BIRC6: variants seen among roughly 807,000 people sequenced by gnomAD.
BIRC6 encodes the protein dual E2 ubiquitin-conjugating enzyme/E3 ubiquitin-protein ligase BIRC6.
In BIRC6, 98 loss-of-function variants were observed where a neutral mutation model predicts 503.3. That is an observed-to-expected ratio of 0.19 (90% CI 0.17 to 0.23). BIRC6 has a LOEUF of 0.23. Ranked by LOEUF, BIRC6 falls within the 10% of genes least tolerant of loss-of-function variation. The probability of loss-of-function intolerance (pLI) is 1.00; values close to 1 mark genes in which losing one functional copy is unlikely to be tolerated. For missense variants in BIRC6, 5,360 were observed against 5,806.0 expected (o/e 0.92, Z 2.50); for synonymous variants, 2,240 against 2,078.7 (o/e 1.08, Z -2.11).
chr2:32,464,389 C>T, intron 24 of BIRC6, 120 bp from the exon 25 acceptor site: 2 of 1,223,356 alleles, frequency 1.6e-6, no homozygotes, highest in Non-Finnish European at 2.2e-6. Context: ...GATTTAATTT[C>T]ATCTTTAAGT....
chr2:32,585,015 G>T (rs932107359), intron 66 of BIRC6, among the ~76,000 whole-genome samples: 3 of 152,074 alleles, frequency 2.0e-5, no homozygotes, highest in Admixed American at 6.6e-5. Context: ...TTAGATTCTG[G>T]CTTACTTCTT....
intron 10 of BIRC6, among the ~76,000 whole-genome samples, chr2:32,419,469 A>G (rs1054230760): frequency 1.8e-4 from 27 of 152,298 alleles, no homozygotes; most frequent in African/African-American, 6.5e-4. Context: ...ATAAAAAAGT[A>G]TGAATTTCAA....
At chr2:32,475,920 T>C (rs2049709445) in intron 33 of BIRC6, among the ~76,000 whole-genome samples, 1 of 152,032 alleles carries the variant, frequency 6.6e-6, no homozygotes, top group Admixed American at 6.5e-5. Context: ...TAAATTTTTT[T>C]CTCTCTATTA....
intron 1 of BIRC6, among the ~76,000 whole-genome samples, chr2:32,369,945 AATATATATATATATATAT>A (rs67839399): frequency 6.8e-5 from 3 of 44,224 alleles, no homozygotes; most frequent in Non-Finnish European, 1.1e-4. Flanking sequence ...AAAAAAAAAA[AATATATATATATATATAT>A]ATATATATAT....
intron 13 of BIRC6, among the ~76,000 whole-genome samples, chr2:32,435,071 G>T (rs1250633867): frequency 6.6e-6 from 1 of 152,170 alleles, no homozygotes; most frequent in Non-Finnish European, 1.5e-5. Context: ...ATGACTATAT[G>T]TGTGTCTGTA....
At chr2:32,592,545 A>T (rs754298137) in intron 66 of BIRC6, among the ~76,000 whole-genome samples, 6 of 152,022 alleles carry the variant, frequency 3.9e-5, no homozygotes, top group Non-Finnish European at 5.9e-5. Context: ...TTTTGTGACA[A>T]GGAAAGGTTC....
chr2:32,377,817 A>T, intron 2 of BIRC6, 48 bp downstream of exon 2: 1 of 1,446,162 alleles, frequency 6.9e-7, no homozygotes, highest in Non-Finnish European at 9.3e-7. Flanking sequence ...ATGTAATCTT[A>T]GACATATTAG....
At chr2:32,508,352 T>C in intron 51 of BIRC6, 93 bp downstream of exon 51, 2 of 1,393,624 alleles carry the variant, frequency 1.4e-6, no homozygotes, top group East Asian at 5.0e-5. Flanking sequence ...GTTTTTTCTT[T>C]TTTAGGTCTT....
At chr2:32,617,026 G>T (rs918199832) in intron 73 of BIRC6, among the ~76,000 whole-genome samples, 1 of 152,162 alleles carries the variant, frequency 6.6e-6, no homozygotes, top group Non-Finnish European at 1.5e-5. Context: ...AGCCCAGGAG[G>T]TTGAGGCTGC....
At position 32,416,231 on chromosome 2, in the gene BIRC6, A is replaced by G. The variant is rs1197356464; in HGVS notation, c.2872+68A>G. 16 of 1,416,700 alleles carry G rather than the reference A, an allele frequency of 1.1e-5. No homozygotes were observed. In the South Asian group the frequency reaches 2.3e-4, roughly 21 times the overall value. 87.8% of individuals were successfully genotyped at this position (1,416,700 alleles called of 1,614,324 possible). On this transcript the variant is annotated intron_variant, in intron 10 of 73. Coordinates refer to ENST00000421745, the MANE Select transcript of BIRC6 (RefSeq NM_016252.4). ...ATATATGGCATTTGTTTATGTGCAA[A>G]CCTAGTATGAATTTTAGGTTCAAAT... is the stretch of plus-strand genomic sequence containing the variant.
intron 39 of BIRC6, 150 bp downstream of exon 39, chr2:32,482,732 C>T: frequency 1.3e-6 from 1 of 782,088 alleles, no homozygotes; most frequent in South Asian, 2.0e-5. Context: ...AGAGCTGTTT[C>T]TTTGTAGTCA....
chr2:32,532,379 A>G (rs528778113), intron 61 of BIRC6: 64 of 409,504 alleles, frequency 1.6e-4, no homozygotes, highest in Middle Eastern at 8.6e-4. Context: ...CCTGGCTTCT[A>G]TTGGTTGCCA....
chr2:32,501,017 AAAAATAAAATGT>A (rs2053127265), intron 46 of BIRC6, among the ~76,000 whole-genome samples: 1 of 152,134 alleles, frequency 6.6e-6, no homozygotes, highest in Non-Finnish European at 1.5e-5. Context: ...CATTTGCTTT[AAAAATAAAATGT>A]AAAATTTTAC....
chr2:32,454,533 A>T (rs1365210173), intron 23 of BIRC6, among the ~76,000 whole-genome samples: 1 of 150,892 alleles, frequency 6.6e-6, no homozygotes, highest in African/African-American at 2.4e-5. Context: ...AGTTACTTCT[A>T]TTGCAGCATA....
rs1251134880 is a variant in BIRC6 at position 32,484,550 on chromosome 2, CAAAA to C, written c.7697-1080_7697-1077del. ...TGGACGATAGAGCAAAACTCCAACT[CAAAA>C]AAAAAAAAAAAAGAAAGAAAGAAAG... On this transcript the variant is annotated intron_variant, in intron 39 of 73. Transcript: ENST00000421745. 8.0e-3 allele frequency among the ~76,000 whole-genome samples: 557 copies of C among 69,634 alleles called. 1 individual carries two copies. Among genetic ancestry groups the C allele is most frequent in the African/African-American group, 0.023 (511 of 22,176 alleles). 45.7% of individuals were successfully genotyped at this position (69,634 alleles called of 152,430 possible). A position where few individuals can be genotyped will look rare whatever the true frequency, so the allele number is the denominator to read the frequency against.
chr2:32,520,010 G>C (rs1558958399), intron 57 of BIRC6, among the ~76,000 whole-genome samples: 1 of 152,136 alleles, frequency 6.6e-6, no homozygotes. Context: ...AAATAAACTA[G>C]AAATGTCTGT....
intron 72 of BIRC6, among the ~76,000 whole-genome samples, 155 bp downstream of exon 72, chr2:32,607,798 C>T (rs866778288): frequency 4.0e-5 from 6 of 151,256 alleles, no homozygotes; most frequent in African/African-American, 9.7e-5. Flanking sequence ...GCCAATATGG[C>T]GAAACCGCAT....
chr2:32,558,566 G>T (rs1431724175), intron 65 of BIRC6: 1 of 152,066 alleles, frequency 6.6e-6, no homozygotes, highest in African/African-American at 2.4e-5. Flanking sequence ...TATTTCCACA[G>T]ATTAAACACA....
chr2:32,423,293 T>C (rs1490997200), intron 10 of BIRC6, among the ~76,000 whole-genome samples: 1 of 152,170 alleles, frequency 6.6e-6, no homozygotes. Context: ...TTTTTCTTTT[T>C]AAAATGTGTT....
Sources: allele counts gnomAD v4.1 joint callset (sites outside exome capture counted in the v4.1 genomes callset), GRCh38; gene constraint gnomAD v4.1.1; transcripts MANE v1.5; gene names NCBI Gene and HGNC (gene_info 2026-07-23, HGNC 2026-07-21).